Variants in PIAS4 observed in about 807,000 individuals in gnomAD.
PIAS4 encodes the protein protein inhibitor of activated STAT 4, also known as E3 SUMO-protein ligase PIAS4.
A neutral mutation model predicts 58.0 loss-of-function variants in PIAS4; 7 were observed. The ratio of observed to expected loss-of-function variants is 0.12; its 90% CI spans 0.07 to 0.23. The LOEUF (loss-of-function observed/expected upper bound fraction) is 0.23, where lower values mean the gene tolerates loss of function less well. PIAS4 is among the 10% of genes least tolerant of loss of function. The pLI is 1.00. For synonymous variants in PIAS4, 364 were observed against 312.4 expected, an observed-to-expected ratio of 1.17 and a Z score of -1.74; for missense variants, 550 against 709.5, an observed-to-expected ratio of 0.78 and a Z score of 2.55.
chr19:4,019,994 G>C (rs999724698), intron 2 of PIAS4, among the ~76,000 whole-genome samples: 1 of 151,542 alleles, frequency 6.6e-6, no homozygotes, highest in Admixed American at 6.6e-5. Flanking sequence ...TCAGCTCACT[G>C]CAAGCTCCGC....
intron 2 of PIAS4, among the ~76,000 whole-genome samples, chr19:4,022,066 A>T (rs1160225160): frequency 6.6e-6 from 1 of 152,074 alleles, no homozygotes; most frequent in Non-Finnish European, 1.5e-5. Context: ...CAGTTTTCAG[A>T]AAAGGTTTTA....
intron 2 of PIAS4, among the ~76,000 whole-genome samples, chr19:4,021,742 CTTTT>C (rs776416490): frequency 1.5e-4 from 16 of 104,084 alleles, no homozygotes; most frequent in Non-Finnish European, 2.6e-4. Context: ...TTTTCTTTTT[CTTTT>C]TTTTTTTTTT....
chr19:4,014,389 C>T (rs1799918900), intron 2 of PIAS4, among the ~76,000 whole-genome samples: 1 of 152,112 alleles, frequency 6.6e-6, no homozygotes, highest in Non-Finnish European at 1.5e-5. Flanking sequence ...CCAGGGAGGC[C>T]TCCGCAGCCC....
At chr19:4,027,590 T>A (rs2040180046) in intron 3 of PIAS4, among the ~76,000 whole-genome samples, 1 of 137,230 alleles carries the variant, frequency 7.3e-6, no homozygotes, top group Admixed American at 7.7e-5. Context: ...TTGGAGAGTG[T>A]TTCTCTTTGT....
chr19:4,037,237 CTG>C lies in PIAS4; in HGVS notation c.1143-136_1143-135del, dbSNP rs1448011976. The C allele has an allele frequency of 5.2e-6, 6 of 1,142,970 alleles. No individual in the cohort carries two copies. In the African/African-American group the frequency reaches 9.4e-5, roughly 18 times the overall value. The allele number at this position is 1,142,970 out of a possible 1,614,324, so 70.8% of individuals were successfully genotyped here. The stretch of plus-strand genomic sequence containing the variant: ...GAGGGAATGCGGGGTCCCTGGACCC[CTG>C]CGGTCGGGGTGGTGAGGCTGCTCTT... On this transcript the variant is annotated intron_variant, in intron 9 of 10. Coordinates refer to ENST00000262971, the MANE Select transcript of PIAS4 (RefSeq NM_015897.4). The surrounding 1 kb of genome is among the most constrained non-coding windows in gnomAD (Gnocchi z 5.8).
chr19:4,036,961 A>G (rs557446404), intron 9 of PIAS4, among the ~76,000 whole-genome samples: 2 of 152,136 alleles, frequency 1.3e-5, no homozygotes, highest in East Asian at 3.9e-4. Flanking sequence ...ACACATGCAC[A>G]CGTGCACACA....
chr19:4,026,492 G>A (rs1314547265), intron 3 of PIAS4, among the ~76,000 whole-genome samples: 1 of 151,818 alleles, frequency 6.6e-6, no homozygotes, highest in Non-Finnish European at 1.5e-5. Context: ...CAGTTTTTAA[G>A]GGTGTCATCG....
At chr19:4,031,883 C>A (rs1262885510) in intron 7 of PIAS4, among the ~76,000 whole-genome samples, 2 of 152,190 alleles carry the variant, frequency 1.3e-5, no homozygotes, top group African/African-American at 4.8e-5. Context: ...GCATCCCCTC[C>A]TAGCTGCCCC....
intron 2 of PIAS4, among the ~76,000 whole-genome samples, chr19:4,016,951 A>G (rs1322610257): frequency 1.3e-5 from 2 of 152,104 alleles, no homozygotes; most frequent in Non-Finnish European, 1.5e-5. Flanking sequence ...AGGTTCTGGT[A>G]TGATTTTTGG....
At chr19:4,028,356 C>T (rs927092456) in intron 4 of PIAS4, 154 bp from the exon 5 acceptor site, 6 of 780,804 alleles carry the variant, frequency 7.7e-6, no homozygotes, top group African/African-American at 1.7e-5. Context: ...ATCCGACCCC[C>T]ACTCAGGCCA....
chr19:4,019,415 G>A (rs2040086582), intron 2 of PIAS4, among the ~76,000 whole-genome samples: 1 of 152,200 alleles, frequency 6.6e-6, no homozygotes, highest in Non-Finnish European at 1.5e-5. Flanking sequence ...ACTGGGCCCT[G>A]TCTGCCCCAG....
chr19:4,027,196 C>T (rs2040174302), intron 3 of PIAS4, among the ~76,000 whole-genome samples: 1 of 152,286 alleles, frequency 6.6e-6, no homozygotes, highest in South Asian at 2.1e-4. Flanking sequence ...CCATATTGCC[C>T]AGGCTTGTCT....
rs759462573 is a variant in PIAS4 at position 4,028,207 on chromosome 19, C to T, written c.581+20C>T. ...CCTGAGGTATGCCCAGGTGTGCCCG[C>T]GACCCCAGGGCTGGACCCCCAGCCA... On this transcript the variant is annotated intron_variant, in intron 4 of 10. Transcript: ENST00000262971. 2.0e-5 allele frequency: 32 copies of T among 1,606,580 alleles called. No homozygotes were observed. The South Asian group carries it at 2.2e-4, about 11-fold the overall frequency.
chr19:4,028,228 A>ACCCCCCC, intron 4 of PIAS4, 41 bp downstream of exon 4: 2 of 790,268 alleles, frequency 2.5e-6, no homozygotes, highest in Non-Finnish European at 3.3e-6. Context: ...CTGGACCCCC[A>ACCCCCCC]GCCACCCGCC....
chr19:4,033,338 A>G, intron 8 of PIAS4, 82 bp from the exon 9 acceptor site: 1 of 1,396,082 alleles, frequency 7.2e-7, no homozygotes, highest in Non-Finnish European at 9.7e-7. Flanking sequence ...AGCGAGCCAC[A>G]GGATGGAGCT....
chr19:4,031,532 T>C (rs1265579410), intron 7 of PIAS4, among the ~76,000 whole-genome samples: 1 of 152,142 alleles, frequency 6.6e-6, no homozygotes, highest in African/African-American at 2.4e-5. Flanking sequence ...GGGCCCTTTT[T>C]TCAACCGCCC....
At chr19:4,026,769 G>C (rs112435361) in intron 3 of PIAS4, among the ~76,000 whole-genome samples, 32 of 152,144 alleles carry the variant, frequency 2.1e-4, no homozygotes, top group Admixed American at 9.2e-4. Flanking sequence ...TGCAATCTCC[G>C]CCTCCCAGGT....
chr19:4,008,909 G>A (rs1205332341), intron 1 of PIAS4, among the ~76,000 whole-genome samples: 1 of 152,084 alleles, frequency 6.6e-6, no homozygotes. Context: ...GGCCTCTTTA[G>A]AACAACTGTT....
At chr19:4,035,720 C>T (rs1040034741) in intron 9 of PIAS4, among the ~76,000 whole-genome samples, 4 of 138,770 alleles carry the variant, frequency 2.9e-5, no homozygotes, top group African/African-American at 2.6e-5. Flanking sequence ...CACCCACACC[C>T]GCATGCCCAC....
Sources: gnomAD v4.1 joint callset for allele counts (sites outside exome capture counted in the v4.1 genomes callset) on GRCh38, gnomAD v4.1.1 for gene constraint, Gnocchi (gnomAD v3.1) non-coding constraint, MANE v1.5 for transcripts, NCBI Gene and HGNC (gene_info 2026-07-23, HGNC 2026-07-21) for gene names.